TNFRSF1B: variants seen among roughly 807,000 people sequenced by gnomAD.
The protein encoded by TNFRSF1B is tumor necrosis factor receptor superfamily member 1B.
TNFRSF1B carries 19 observed loss-of-function variants against 44.6 expected under a neutral mutation model. The ratio of observed to expected loss-of-function variants is 0.43; its 90% CI spans 0.30 to 0.62. TNFRSF1B has a LOEUF of 0.62. Among genes scored for constraint, TNFRSF1B ranks in the 20% least tolerant of loss-of-function variants. The pLI, the probability that TNFRSF1B is intolerant of heterozygous loss-of-function variation, is 0.16. For missense variants in TNFRSF1B, 541 were observed against 619.9 expected (o/e 0.87, Z 1.35); for synonymous variants, 252 against 261.1 (o/e 0.97, Z 0.34).
At chr1:12,197,840 A>G (rs2101117512) in intron 8 of TNFRSF1B, among the ~76,000 whole-genome samples, 1 of 152,144 alleles carries the variant, frequency 6.6e-6, no homozygotes, top group South Asian at 2.1e-4. Flanking sequence ...AAACACCAAC[A>G]TGTGGCCGGG....
chr1:12,182,857 G>A (rs539196090), intron 1 of TNFRSF1B, among the ~76,000 whole-genome samples: 105 of 152,370 alleles, frequency 6.9e-4, no homozygotes, highest in Admixed American at 3.3e-4. Flanking sequence ...CTGGGATGGA[G>A]GCTGCATGGT....
chr1:12,169,475 G>A lies in TNFRSF1B; in HGVS notation c.78+2306G>A, dbSNP rs1638473613. On this transcript the variant is annotated intron_variant, in intron 1 of 9. Coordinates refer to ENST00000376259, the MANE Select transcript of TNFRSF1B (RefSeq NM_001066.3). This position sits in a 1 kb window ranked among gnomAD's most constrained non-coding sequence, Gnocchi z 4.5. Reference sequence around the variant, plus strand: ...CACAGAGCTGGGGGCCGGGGAGCTGGGGGTGGGATTTGAATGCAGGTCTGC... The same window carrying A: ...CACAGAGCTGGGGGCCGGGGAGCTGAGGGTGGGATTTGAATGCAGGTCTGC... Among the ~76,000 whole-genome samples, 1 of 152,172 alleles carries A rather than the reference G, an allele frequency of 6.6e-6. No homozygotes were observed. The highest frequency in any genetic ancestry group is 6.5e-5 in the Admixed American group (1 of 15,288).
intron 8 of TNFRSF1B, among the ~76,000 whole-genome samples, chr1:12,195,101 G>A (rs5746035): frequency 2.2e-3 from 337 of 152,342 alleles, no homozygotes; most frequent in Non-Finnish European, 3.6e-3. Flanking sequence ...GGGCGTGGGG[G>A]AAGTGGTCAT....
At chr1:12,176,082 G>A (rs1199345216) in intron 1 of TNFRSF1B, among the ~76,000 whole-genome samples, 3 of 151,920 alleles carry the variant, frequency 2.0e-5, no homozygotes, top group Non-Finnish European at 2.9e-5. Context: ...AGCCAGGCGT[G>A]GTGGTGTGCA....
At chr1:12,205,455 G>A (rs1174644042) in intron 9 of TNFRSF1B, among the ~76,000 whole-genome samples, 1 of 152,166 alleles carries the variant, frequency 6.6e-6, no homozygotes, top group Non-Finnish European at 1.5e-5. Flanking sequence ...TGATCTGCCA[G>A]GTTCAAGGGC....
At chr1:12,190,091 G>A (rs923753854) in intron 2 of TNFRSF1B, among the ~76,000 whole-genome samples, 3 of 152,122 alleles carry the variant, frequency 2.0e-5, no homozygotes, top group Non-Finnish European at 2.9e-5. Flanking sequence ...GCTTTGAGCC[G>A]TTACCTTGAG....
In TNFRSF1B at chr1:12,186,445, T is replaced by C. The variant is rs1638989478; in HGVS notation, c.79-2351T>C. 6.6e-6 allele frequency among the ~76,000 whole-genome samples: 1 copy of C among 152,218 alleles called. No individual in the cohort carries two copies. The highest frequency in any genetic ancestry group is 1.5e-5 in the Non-Finnish European group (1 of 68,036). ...TGACTGGTGTCTGCTCTGACTGGCT[T>C]GCTGACAGCTGAAGTCCAGGATAGG... On this transcript the variant is annotated intron_variant, in intron 1 of 9. Coordinates refer to ENST00000376259, the MANE Select transcript of TNFRSF1B (RefSeq NM_001066.3). This position sits in a 1 kb window ranked among gnomAD's most constrained non-coding sequence, Gnocchi z 4.8.
rs764162463 is a variant in TNFRSF1B, at chr1:12,194,631, A to T, written c.900+13A>T. The stretch of plus-strand genomic sequence containing the variant: ...AGAAGCCAAGGTGGTGAGTGTCTCC[A>T]CTGCCCTCTCCCCCTCTTCCCCTGG... On this transcript the variant is annotated intron_variant, in intron 8 of 9. Coordinates refer to ENST00000376259, the MANE Select transcript of TNFRSF1B (RefSeq NM_001066.3). 1 of 1,614,054 alleles carries T rather than the reference A, an allele frequency of 6.2e-7. No homozygotes were observed. Among genetic ancestry groups the T allele is most frequent in the East Asian group, 2.2e-5 (1 of 44,886 alleles).
chr1:12,198,795 AT>A (rs1639327831), intron 8 of TNFRSF1B, among the ~76,000 whole-genome samples: 1 of 144,736 alleles, frequency 6.9e-6, no homozygotes, highest in African/African-American at 2.6e-5. Flanking sequence ...GGTTCACACC[AT>A]TCTCCTGCCT....
chr1:12,191,224 C>T (rs79292176), intron 3 of TNFRSF1B, 139 bp downstream of exon 3: 2 of 1,178,236 alleles, frequency 1.7e-6, no homozygotes, highest in African/African-American at 1.5e-5. Flanking sequence ...AGCTGTTTAC[C>T]CCTACCACTG....
chr1:12,167,225 G>C, intron 1 of TNFRSF1B, 56 bp downstream of exon 1: 1 of 1,205,016 alleles, frequency 8.3e-7, no homozygotes, highest in South Asian at 3.3e-5. Flanking sequence ...CACCCGGCTG[G>C]TGCGCAGCCT....
At chr1:12,182,301 T>G (rs1171760211) in intron 1 of TNFRSF1B, among the ~76,000 whole-genome samples, 1 of 152,132 alleles carries the variant, frequency 6.6e-6, no homozygotes, top group Non-Finnish European at 1.5e-5. Flanking sequence ...GCTGCTTTCG[T>G]TCTCACCCTC....
intron 8 of TNFRSF1B, among the ~76,000 whole-genome samples, chr1:12,198,551 A>C (rs1256886120): frequency 6.6e-6 from 1 of 152,182 alleles, no homozygotes; most frequent in African/African-American, 2.4e-5. Context: ...CCTTGTGAAC[A>C]CACAAACAGA....
At position 12,169,528 on chromosome 1, in the gene TNFRSF1B, C is replaced by A. The variant is rs1638474395; in HGVS notation, c.78+2359C>A. Among the ~76,000 whole-genome samples the A allele has an allele frequency of 1.3e-5, 2 of 152,294 alleles. No individual in the cohort carries two copies. The highest frequency in any genetic ancestry group is 2.9e-5 in the Non-Finnish European group (2 of 68,022). On this transcript the variant is annotated intron_variant, in intron 1 of 9. Transcript: ENST00000376259. This position sits in a 1 kb window ranked among gnomAD's most constrained non-coding sequence, Gnocchi z 4.5. ...GATTCCCAAGCTCCTTTCACTGCAC[C>A]CTCCCCGTGCCCGTATCTGCACTCA...
chr1:12,188,560 G>A (rs770594342), intron 1 of TNFRSF1B, among the ~76,000 whole-genome samples: 16 of 152,210 alleles, frequency 1.1e-4, no homozygotes, highest in Non-Finnish European at 1.6e-4. Flanking sequence ...AGCAGAGTCA[G>A]TGCTTCTGCC....
intron 9 of TNFRSF1B, among the ~76,000 whole-genome samples, chr1:12,202,763 T>G (rs1376407234): frequency 6.6e-6 from 1 of 152,256 alleles, no homozygotes; most frequent in Non-Finnish European, 1.5e-5. Flanking sequence ...TTATCCCATT[T>G]TACAGATGAG....
chr1:12,194,885 G>A (rs1639233169), intron 8 of TNFRSF1B, among the ~76,000 whole-genome samples: 1 of 152,236 alleles, frequency 6.6e-6, no homozygotes, highest in Non-Finnish European at 1.5e-5. Context: ...GCGCAACCTT[G>A]GGCAGATGTG....
chr1:12,205,314 G>A (rs568301996), intron 9 of TNFRSF1B, among the ~76,000 whole-genome samples: 1 of 152,226 alleles, frequency 6.6e-6, no homozygotes, highest in South Asian at 2.1e-4. Context: ...AGGGGGTGGG[G>A]AATGTGGCTG....
At chr1:12,203,969 A>T (rs901877240) in intron 9 of TNFRSF1B, among the ~76,000 whole-genome samples, 5 of 152,180 alleles carry the variant, frequency 3.3e-5, no homozygotes, top group African/African-American at 1.2e-4. Flanking sequence ...ACCTCAGGTG[A>T]TCCATCTGCC....
Sources: gnomAD v4.1 joint callset for allele counts (sites outside exome capture counted in the v4.1 genomes callset) on GRCh38, gnomAD v4.1.1 for gene constraint, Gnocchi (gnomAD v3.1) non-coding constraint, MANE v1.5 for transcripts, NCBI Gene and HGNC (gene_info 2026-07-23, HGNC 2026-07-21) for gene names.